Variants in STXBP5 observed in about 807,000 individuals in gnomAD.
STXBP5 encodes syntaxin-binding protein 5.
Under a neutral mutation model 152.4 loss-of-function variants are expected in STXBP5, and 50 were observed. The ratio of observed to expected loss-of-function variants is 0.33; its 90% CI spans 0.26 to 0.42. STXBP5 has a LOEUF of 0.42. Ranked by LOEUF, STXBP5 falls within the 10% of genes least tolerant of loss-of-function variation. The pLI, the probability that STXBP5 is intolerant of heterozygous loss-of-function variation, is 1.00. For synonymous variants in STXBP5, 492 were observed against 494.7 expected, an observed-to-expected ratio of 0.99 and a Z score of 0.07; for missense variants, 1,167 against 1,388.6, an observed-to-expected ratio of 0.84 and a Z score of 2.54.
intron 9 of STXBP5, among the ~76,000 whole-genome samples, chr6:147,307,211 G>A (rs1782137403): frequency 6.6e-6 from 1 of 152,112 alleles, no homozygotes; most frequent in Admixed American, 6.6e-5. Context: ...AAACTAGAAG[G>A]CTTCCAAACT....
intron 5 of STXBP5, among the ~76,000 whole-genome samples, 189 bp from the exon 6 acceptor site, chr6:147,262,101 A>G (rs1391214979): frequency 6.6e-6 from 1 of 151,840 alleles, no homozygotes. Context: ...TATATGAGTC[A>G]CCACTTCTTC....
chr6:147,303,712 C>T (rs1469822332), intron 9 of STXBP5, among the ~76,000 whole-genome samples: 2 of 152,122 alleles, frequency 1.3e-5, no homozygotes, highest in African/African-American at 4.8e-5. Flanking sequence ...GGGAAAGTTT[C>T]GAACTTCCTA....
chr6:147,380,208 AC>A (rs1562279210), intron 26 of STXBP5, among the ~76,000 whole-genome samples: 2 of 145,056 alleles, frequency 1.4e-5, no homozygotes, highest in Non-Finnish European at 3.1e-5. Flanking sequence ...ACACACACAC[AC>A]AAATATTGAA....
At chr6:147,247,120 C>G (rs1257484461) in intron 4 of STXBP5, among the ~76,000 whole-genome samples, 1 of 151,950 alleles carries the variant, frequency 6.6e-6, no homozygotes, top group Non-Finnish European at 1.5e-5. Flanking sequence ...AGTACCAGAC[C>G]CCAAAATATC....
At chr6:147,339,270 T>C (rs1244279316) in intron 20 of STXBP5, 32 bp downstream of exon 20, 4 of 1,510,404 alleles carry the variant, frequency 2.6e-6, no homozygotes, top group South Asian at 1.3e-5. Flanking sequence ...GTATTTTCTT[T>C]TATGTTTAAT....
chr6:147,360,632 A>G (rs193002040), intron 23 of STXBP5, among the ~76,000 whole-genome samples: 109 of 152,256 alleles, frequency 7.2e-4, no homozygotes, highest in African/African-American at 2.5e-3. Flanking sequence ...AACATTCTAC[A>G]CATGGTTATT....
chr6:147,296,028 C>T (rs1781503801), intron 9 of STXBP5, among the ~76,000 whole-genome samples: 1 of 152,044 alleles, frequency 6.6e-6, no homozygotes, highest in African/African-American at 2.4e-5. Flanking sequence ...ACAGTTGTGG[C>T]TCTGGTGCCC....
At chr6:147,247,044 G>A (rs1433233118) in intron 4 of STXBP5, among the ~76,000 whole-genome samples, 1 of 152,156 alleles carries the variant, frequency 6.6e-6, no homozygotes, top group Non-Finnish European at 1.5e-5. Context: ...AATTTGCTTA[G>A]TATGCACATT....
intron 25 of STXBP5, among the ~76,000 whole-genome samples, chr6:147,369,058 G>A (rs1476069095): frequency 1.3e-5 from 2 of 151,728 alleles, no homozygotes; most frequent in African/African-American, 4.8e-5. Flanking sequence ...AAATGGAAGG[G>A]CTAACACTAC....
At position 147,217,509 on chromosome 6, in the gene STXBP5, T is replaced by A. The variant is rs144865900; in HGVS notation, c.248+11441T>A. Among the ~76,000 whole-genome samples the A allele has an allele frequency of 2.5e-3, 379 of 152,358 alleles. 2 individuals carry two copies. Among genetic ancestry groups the A allele is most frequent in the African/African-American group, 8.4e-3 (351 of 41,590 alleles). ...TATATTTATCTATCAAAAGCCATTC[T>A]AAAGAATTGCCTGTGATGACAAATA... On this transcript the variant is annotated intron_variant, in intron 2 of 27. Coordinates refer to ENST00000321680, the MANE Select transcript of STXBP5 (RefSeq NM_001127715.4).
intron 25 of STXBP5, among the ~76,000 whole-genome samples, chr6:147,369,295 C>T (rs182673420): frequency 6.6e-6 from 1 of 152,102 alleles, no homozygotes; most frequent in African/African-American, 2.4e-5. Context: ...TTGATCCACG[C>T]TTCACACCAT....
chr6:147,333,072 A>G (rs1440236126), intron 18 of STXBP5, among the ~76,000 whole-genome samples: 1 of 152,146 alleles, frequency 6.6e-6, no homozygotes, highest in African/African-American at 2.4e-5. Context: ...CTGTTTAGAG[A>G]TCCTCTTAGT....
chr6:147,314,879 T>A (rs535604155), intron 14 of STXBP5, among the ~76,000 whole-genome samples: 144 of 152,252 alleles, frequency 9.5e-4, no homozygotes, highest in African/African-American at 3.3e-3. Flanking sequence ...CTTCAAACCT[T>A]ATCTTCCTAA....
chr6:147,334,636 T>G (rs574864642), intron 19 of STXBP5, among the ~76,000 whole-genome samples: 2 of 152,222 alleles, frequency 1.3e-5, no homozygotes, highest in Non-Finnish European at 2.9e-5. Flanking sequence ...GTATTTTTAT[T>G]TATGATGAAA....
intron 26 of STXBP5, 29 bp downstream of exon 26, chr6:147,373,871 A>C (rs533333078): frequency 6.4e-7 from 1 of 1,551,000 alleles, no homozygotes; most frequent in Non-Finnish European, 8.9e-7. Context: ...TTCGGATAAT[A>C]TATCTATAAA....
intron 7 of STXBP5, among the ~76,000 whole-genome samples, chr6:147,275,277 G>A (rs1435566595): frequency 2.0e-5 from 3 of 151,904 alleles, no homozygotes; most frequent in Admixed American, 6.6e-5. Flanking sequence ...TCATAGTTAC[G>A]ATTTTTGTCA....
At chr6:147,329,042 A>G (rs1360581567) in intron 18 of STXBP5, among the ~76,000 whole-genome samples, 1 of 151,978 alleles carries the variant, frequency 6.6e-6, no homozygotes, top group Non-Finnish European at 1.5e-5. Context: ...TTTTTTGAAG[A>G]TAAAACCTTT....
At position 147,315,727 on chromosome 6, in the gene STXBP5, G is replaced by A; in HGVS notation, c.1615G>A (p.Val539Ile). The A allele has an allele frequency of 6.2e-7, 1 of 1,612,080 alleles. No homozygotes were observed. Among genetic ancestry groups the A allele is most frequent in the South Asian group, 1.1e-5 (1 of 91,010 alleles). ...CAGCAAGCAGGAAGTAATCACAGAA[G>A]TCATTCCGGTAATAACGTCTTAGTT... ...RFSKQEVITE[V>I]IPMLEVRLLY... The change falls in exon 15 of 28, where the codon GTC becomes ATC. Residue 539 changes from valine to isoleucine, a missense_variant. By Grantham distance (29) the Val-to-Ile change is conservative (BLOSUM62 3). This residue lies in a region of STXBP5 where 833 missense variants were observed against 986.3 expected (regional missense o/e 0.84). Transcript: ENST00000321680.
intron 11 of STXBP5, among the ~76,000 whole-genome samples, chr6:147,313,564 T>C (rs576610688): frequency 1.6e-4 from 25 of 152,284 alleles, no homozygotes; most frequent in Middle Eastern, 3.4e-3. Context: ...TTTGACACAT[T>C]ATTCTCTGTA....
Sources: gnomAD v4.1 joint callset for allele counts (sites outside exome capture counted in the v4.1 genomes callset) on GRCh38, gnomAD v4.1.1 for gene constraint, gnomAD v4.1.1 regional missense constraint, MANE v1.5 for transcripts, NCBI Gene and HGNC (gene_info 2026-07-23, HGNC 2026-07-21) for gene names.